EPHB1: variants seen among roughly 807,000 people sequenced by gnomAD.
EPHB1 encodes the protein ephrin type-B receptor 1.
EPHB1 carries 30 observed loss-of-function variants against 94.4 expected under a neutral mutation model. The observed-to-expected ratio is 0.32, with a 90% CI of 0.24 to 0.43. EPHB1 has a LOEUF of 0.43. EPHB1 is among the 20% of genes least tolerant of loss of function. The pLI is 1.00. For missense variants in EPHB1, 1,055 were observed against 1,308.3 expected (o/e 0.81, Z 2.99); for synonymous variants, 522 against 489.1 (o/e 1.07, Z -0.89).
At chr3:134,839,248 G>A (rs941787162) in intron 1 of EPHB1, among the ~76,000 whole-genome samples, 2 of 152,182 alleles carry the variant, frequency 1.3e-5, no homozygotes, top group Non-Finnish European at 2.9e-5. Context: ...AGAGTCCTAA[G>A]TGTGCATAGT....
chr3:134,978,720 A>G (rs1404457275), intron 3 of EPHB1, among the ~76,000 whole-genome samples: 1 of 152,354 alleles, frequency 6.6e-6, no homozygotes, highest in Admixed American at 6.5e-5. Flanking sequence ...GTTGCACTAG[A>G]CAGGCAGAGT....
intron 1 of EPHB1, among the ~76,000 whole-genome samples, chr3:134,819,234 CAGTCGG>C (rs2036333887): frequency 6.6e-6 from 1 of 152,164 alleles, no homozygotes; most frequent in African/African-American, 2.4e-5. Flanking sequence ...CTTCCATAAT[CAGTCGG>C]AGCTTCTGTT....
intron 3 of EPHB1, among the ~76,000 whole-genome samples, chr3:135,105,150 A>G (rs1002228263): frequency 6.6e-6 from 1 of 152,208 alleles, no homozygotes; most frequent in Non-Finnish European, 1.5e-5. Context: ...TGCACTTTCC[A>G]GGAGGGAACA....
At chr3:134,856,866 A>T (rs948079375) in intron 1 of EPHB1, among the ~76,000 whole-genome samples, 2 of 152,234 alleles carry the variant, frequency 1.3e-5, no homozygotes, top group Non-Finnish European at 2.9e-5. Flanking sequence ...GATTTGCATT[A>T]TGTTTCTATT....
At chr3:134,848,152 T>G (rs527952589) in intron 1 of EPHB1, among the ~76,000 whole-genome samples, 2 of 152,210 alleles carry the variant, frequency 1.3e-5, no homozygotes, top group South Asian at 4.2e-4. Context: ...TGAAATGAAA[T>G]GAAACTGGAT....
At chr3:135,234,712 T>G (rs895116760) in intron 12 of EPHB1, among the ~76,000 whole-genome samples, 1 of 152,208 alleles carries the variant, frequency 6.6e-6, no homozygotes, top group South Asian at 2.1e-4. Flanking sequence ...AAACTTGTCC[T>G]TCTTCACGTG....
At chr3:135,217,250 A>G (rs35719883) in intron 12 of EPHB1, among the ~76,000 whole-genome samples, 35,853 of 151,856 alleles carry the variant, frequency 0.24, 4,605 homozygotes, top group Non-Finnish European at 0.29. Context: ...GGCAGTGCTG[A>G]GGATAGGCAT....
chr3:135,155,273 G>A lies in EPHB1; in HGVS notation c.1422+997G>A, dbSNP rs117567631. On this transcript the variant is annotated intron_variant, in intron 6 of 15. Transcript: ENST00000398015. ...AGCAGGTTGCATAATTAAGTAGAGG[G>A]GTAGAGATAGGCCTCTTGGAGAAGG... 1.5e-3 allele frequency among the ~76,000 whole-genome samples: 228 copies of A among 152,190 alleles called. 5 individuals carry two copies. The East Asian group carries it at 0.039, about 26-fold the overall frequency.
At chr3:134,874,182 A>C (rs550110577) in intron 1 of EPHB1, among the ~76,000 whole-genome samples, 138 of 152,356 alleles carry the variant, frequency 9.1e-4, no homozygotes, top group Non-Finnish European at 1.5e-3. Context: ...AATACTATGC[A>C]GCCATAAAAA....
intron 3 of EPHB1, among the ~76,000 whole-genome samples, chr3:135,061,530 C>T (rs952750523): frequency 5.9e-5 from 9 of 152,074 alleles, no homozygotes; most frequent in South Asian, 2.1e-4. Context: ...TAGGTCACTA[C>T]GAATGCTGTT....
intron 3 of EPHB1, among the ~76,000 whole-genome samples, chr3:135,100,513 C>A (rs1419618061): frequency 2.6e-5 from 4 of 152,202 alleles, no homozygotes; most frequent in Admixed American, 6.5e-5. Flanking sequence ...TTAATTTCCT[C>A]TTCCTGGCTG....
chr3:135,174,399 G>A (rs191566487), intron 9 of EPHB1, among the ~76,000 whole-genome samples: 8 of 152,120 alleles, frequency 5.3e-5, no homozygotes, highest in Admixed American at 2.6e-4. Context: ...AGTGCAATAC[G>A]ATGTGCACTT....
At chr3:134,932,190 G>A (rs1279642890) in intron 2 of EPHB1, among the ~76,000 whole-genome samples, 5 of 152,162 alleles carry the variant, frequency 3.3e-5, no homozygotes, top group Non-Finnish European at 4.4e-5. Context: ...GGAACAACAC[G>A]TATCTGAATG....
intron 3 of EPHB1, among the ~76,000 whole-genome samples, chr3:135,015,667 G>A (rs2107751191): frequency 6.6e-6 from 1 of 152,306 alleles, no homozygotes; most frequent in East Asian, 1.9e-4. Flanking sequence ...TGCTGACTAT[G>A]AAAAGGTGGC....
rs188048144 is a variant in EPHB1 at position 134,931,648 on chromosome 3, C to T, written c.123+5768C>T. On this transcript the variant is annotated intron_variant, in intron 2 of 15. Transcript: ENST00000398015. ...ATAGAGGAAAAACAGGAAGGAAGTC[C>T]GAAGCCAAGCCTCATGAACCTTCAG... Among the ~76,000 whole-genome samples, 46 of 152,284 alleles carry T rather than the reference C, an allele frequency of 3.0e-4. 1 individual carries two copies. Among genetic ancestry groups the T allele is most frequent in the Non-Finnish European group, 5.6e-4 (38 of 68,026 alleles).
intron 3 of EPHB1, among the ~76,000 whole-genome samples, chr3:135,032,244 A>G (rs1293115543): frequency 1.7e-5 from 2 of 121,150 alleles, no homozygotes; most frequent in South Asian, 5.0e-4. Flanking sequence ...GGATTCTTTT[A>G]TTTTTTTTTT....
intron 4 of EPHB1, among the ~76,000 whole-genome samples, chr3:135,129,335 C>A (rs945717801): frequency 2.6e-5 from 4 of 151,964 alleles, no homozygotes; most frequent in African/African-American, 9.7e-5. Flanking sequence ...AGAGACTGGG[C>A]AAAACTCTCC....
At chr3:135,063,092 T>C (rs1937536515) in intron 3 of EPHB1, among the ~76,000 whole-genome samples, 1 of 152,192 alleles carries the variant, frequency 6.6e-6, no homozygotes, top group South Asian at 2.1e-4. Flanking sequence ...ACTGTAACCT[T>C]ATAGTATAGT....
chr3:135,197,285 A>G (rs1942648113), intron 11 of EPHB1, among the ~76,000 whole-genome samples: 1 of 152,146 alleles, frequency 6.6e-6, no homozygotes, highest in African/African-American at 2.4e-5. Context: ...GACTCTTGAA[A>G]GTCGCTGAGT....
Sources: allele counts gnomAD v4.1 joint callset (sites outside exome capture counted in the v4.1 genomes callset), GRCh38; gene constraint gnomAD v4.1.1; transcripts MANE v1.5; gene names NCBI Gene and HGNC (gene_info 2026-07-23, HGNC 2026-07-21).